The following LRRC40 variants were observed in gnomAD, a reference collection of about 807,000 sequenced individuals.
LRRC40 encodes leucine-rich repeat-containing protein 40.
A neutral mutation model predicts 72.8 loss-of-function variants in LRRC40; 76 were observed. The observed-to-expected ratio is 1.04, with a 90% CI of 0.87 to 1.26. The LOEUF (loss-of-function observed/expected upper bound fraction) is 1.26. LRRC40 is among the 50% of genes most tolerant of loss of function. The pLI is 0.00. For synonymous variants in LRRC40, 243 were observed against 254.2 expected, an observed-to-expected ratio of 0.96 and a Z score of 0.42; for missense variants, 684 against 698.9, an observed-to-expected ratio of 0.98 and a Z score of 0.24.
Position 70,152,549 on chromosome 1 carries a change from A to T in LRRC40, c.1329-6T>A, listed in dbSNP as rs368416074. The T allele has an allele frequency of 4.1e-6, 6 of 1,471,288 alleles. No homozygotes were observed. The highest frequency in any genetic ancestry group is 1.4e-5 in the African/African-American group (1 of 71,648). The allele number at this position is 1,471,288 out of a possible 1,614,324, so 91.1% of individuals were successfully genotyped here. ...TTTCCTTCAGTTCTACCATCCTGAA[A>T]CAAAAATAATTTTAAAATGTTAGCA... On this transcript the variant is annotated splice_region_variant and splice_polypyrimidine_tract_variant and intron_variant, in intron 11 of 14. Transcript: ENST00000370952.
At chr1:70,192,192 G>C (rs1668516330) in intron 1 of LRRC40, among the ~76,000 whole-genome samples, 1 of 151,984 alleles carries the variant, frequency 6.6e-6, no homozygotes, top group African/African-American at 2.4e-5. Context: ...CACCTCCCTG[G>C]TTAGCTGTAT....
At chr1:70,154,113 TATTCCAAA>T (rs1449176022) in intron 11 of LRRC40, among the ~76,000 whole-genome samples, 1 of 152,194 alleles carries the variant, frequency 6.6e-6, no homozygotes, top group Admixed American at 6.6e-5. Context: ...TTCCTTTATT[TATTCCAAA>T]ATTTTATGAA....
intron 2 of LRRC40, 98 bp from the exon 3 acceptor site, chr1:70,187,436 G>A (rs747465577): frequency 3.9e-5 from 24 of 621,964 alleles, no homozygotes; most frequent in Non-Finnish European, 6.4e-5. Flanking sequence ...GTAATCTCCT[G>A]TTCCTCAAAT....
At chr1:70,196,718 C>T (rs1276536377) in intron 1 of LRRC40, among the ~76,000 whole-genome samples, 5 of 151,994 alleles carry the variant, frequency 3.3e-5, no homozygotes, top group African/African-American at 9.7e-5. Context: ...AAAGCAGATC[C>T]GTAGTTATGT....
chr1:70,174,582 T>C (rs1008694588), intron 7 of LRRC40, among the ~76,000 whole-genome samples: 3 of 152,070 alleles, frequency 2.0e-5, no homozygotes, highest in African/African-American at 7.2e-5. Flanking sequence ...TCTATCTCTG[T>C]ACAACAGAAT....
chr1:70,145,871 G>T lies in LRRC40; in HGVS notation c.1738C>A (p.Pro580Thr). Residue 580 changes from proline (P) to threonine (T), a missense_variant, in exon 15 of 15, where the codon CCT becomes ACT. Physicochemically the swap from Pro to Thr is conservative, Grantham distance 38 (BLOSUM62 -1). Transcript: ENST00000370952. Reference sequence around the variant, plus strand: ...CCTTTCATTAATATGGCTGCTCGAGGAACTCGGAATGGATTTCCATCCAGT... The same window carrying T: ...CCTTTCATTAATATGGCTGCTCGAGTAACTCGGAATGGATTTCCATCCAGT... Reference protein sequence around the residue: ...LLLDGNPFRVPRAAILMKGTA... With the variant: ...LLLDGNPFRVTRAAILMKGTA... 1 of 1,608,248 alleles carries T rather than the reference G, an allele frequency of 6.2e-7. No individual in the cohort carries two copies. Among genetic ancestry groups the T allele is most frequent in the South Asian group, 1.1e-5 (1 of 90,736 alleles).
intron 9 of LRRC40, among the ~76,000 whole-genome samples, chr1:70,165,202 T>G (rs1667855769): frequency 6.6e-6 from 1 of 152,244 alleles, no homozygotes; most frequent in Non-Finnish European, 1.5e-5. Flanking sequence ...CAGAGTTATA[T>G]TTGTAGGATA....
chr1:70,162,332 T>C (rs986162757), intron 9 of LRRC40, among the ~76,000 whole-genome samples: 3 of 151,210 alleles, frequency 2.0e-5, no homozygotes, highest in Non-Finnish European at 2.9e-5. Flanking sequence ...GTTTGTCCCC[T>C]GAGGAGACAT....
intron 1 of LRRC40, among the ~76,000 whole-genome samples, chr1:70,198,366 T>C (rs1261309512): frequency 6.6e-6 from 1 of 152,236 alleles, no homozygotes; most frequent in African/African-American, 2.4e-5. Flanking sequence ...ATTCTTTTGT[T>C]CCAAACTCTG....
intron 1 of LRRC40, among the ~76,000 whole-genome samples, chr1:70,195,833 G>A (rs1023458522): frequency 3.3e-5 from 5 of 151,980 alleles, no homozygotes; most frequent in Non-Finnish European, 5.9e-5. Flanking sequence ...GCGGGGTTTC[G>A]CCATGTTGGC....
intron 2 of LRRC40, among the ~76,000 whole-genome samples, chr1:70,187,745 T>C (rs699221): frequency 0.97 from 148,050 of 152,078 alleles, 72,084 homozygotes; most frequent in Middle Eastern, 1. Flanking sequence ...GTGGGAAGAT[T>C]GCTTGAGCCT....
intron 4 of LRRC40, among the ~76,000 whole-genome samples, chr1:70,181,553 A>G (rs1340248377): frequency 2.6e-5 from 4 of 152,070 alleles, no homozygotes; most frequent in Admixed American, 1.3e-4. Flanking sequence ...TATTCATCCA[A>G]TATTTATGAA....
intron 9 of LRRC40, among the ~76,000 whole-genome samples, chr1:70,166,504 A>T (rs568617331): frequency 3.2e-4 from 48 of 152,100 alleles, no homozygotes; most frequent in Non-Finnish European, 1.5e-5. Flanking sequence ...ACAAAAAAAT[A>T]AAAATAGCCT....
intron 11 of LRRC40, 66 bp downstream of exon 11, chr1:70,155,623 T>TA: frequency 1.3e-6 from 1 of 742,590 alleles, no homozygotes; most frequent in Non-Finnish European, 2.0e-6. Context: ...AAAACCAATT[T>TA]AAAAACCAAG....
intron 13 of LRRC40, 36 bp from the exon 14 acceptor site, chr1:70,148,708 G>C (rs1388432489): frequency 7.9e-7 from 1 of 1,263,290 alleles, no homozygotes; most frequent in South Asian, 1.6e-5. Flanking sequence ...AAATATACTG[G>C]AATCAGACCA....
In LRRC40 at chr1:70,189,081, A is replaced by T; in HGVS notation, c.333+11T>A. Reference sequence around the variant, plus strand: ...CAATTAATAATCCATATTTATAGTCAGTCAACTTACATCAAGAACAGTCAG... The same window carrying T: ...CAATTAATAATCCATATTTATAGTCTGTCAACTTACATCAAGAACAGTCAG... On this transcript the variant is annotated intron_variant, in intron 2 of 14. Coordinates refer to ENST00000370952, the MANE Select transcript of LRRC40 (RefSeq NM_017768.5). The T allele has an allele frequency of 6.2e-7, 1 of 1,602,228 alleles. No homozygotes were observed. Among genetic ancestry groups the T allele is most frequent in the Non-Finnish European group, 8.5e-7 (1 of 1,174,598 alleles).
intron 9 of LRRC40, among the ~76,000 whole-genome samples, chr1:70,163,280 G>A (rs1326077727): frequency 3.3e-5 from 5 of 151,956 alleles, no homozygotes; most frequent in African/African-American, 1.2e-4. Flanking sequence ...GTAGATACGG[G>A]GTTTCATCAT....
At position 70,151,165 on chromosome 1, in the gene LRRC40, G is replaced by A; in HGVS notation, c.1480C>T (p.Leu494=). Reference sequence around the variant, plus strand: ...AGATTGATCGTTTGCAGTCTTACCAGTGATTCCATTTCTTCTGGCAAAGAA... The same window carrying A: ...AGATTGATCGTTTGCAGTCTTACCAATGATTCCATTTCTTCTGGCAAAGAA... The part of the protein sequence containing the change: ...LNSLPEEMES[L]VRLQTINLSF... Residue 494 remains leucine (L), a synonymous_variant, in exon 13 of 15, where the codon CTG becomes TTG. Coordinates refer to ENST00000370952, the MANE Select transcript of LRRC40 (RefSeq NM_017768.5). 1 of 1,589,124 alleles carries A rather than the reference G, an allele frequency of 6.3e-7. No homozygotes were observed. The highest frequency in any genetic ancestry group is 1.1e-5 in the South Asian group (1 of 89,850).
intron 3 of LRRC40, among the ~76,000 whole-genome samples, chr1:70,186,268 A>G (rs1045233885): frequency 1.3e-5 from 2 of 152,160 alleles, no homozygotes; most frequent in African/African-American, 2.4e-5. Flanking sequence ...TAAGTATAGA[A>G]TCTAAAGCTT....
Sources: allele counts gnomAD v4.1 joint callset (sites outside exome capture counted in the v4.1 genomes callset), GRCh38; gene constraint gnomAD v4.1.1; transcripts MANE v1.5; gene names NCBI Gene and HGNC (gene_info 2026-07-23, HGNC 2026-07-21).